Variants in CNBD1 observed in about 807,000 individuals in gnomAD.
CNBD1 encodes cyclic nucleotide binding domain containing 1.
In CNBD1, 71 loss-of-function variants were observed where a neutral mutation model predicts 54.4. The observed-to-expected ratio is 1.30, with a 90% confidence interval of 1.08 to 1.59. The LOEUF (loss-of-function observed/expected upper bound fraction) is 1.59, where lower values mean the gene tolerates loss of function less well. Ranked by LOEUF, CNBD1 falls within the 40% of genes most tolerant of loss-of-function variation. CNBD1 has a pLI of 0.00. For synonymous variants in CNBD1, 182 were observed against 170.7 expected, an observed-to-expected ratio of 1.07 and a Z score of -0.51; for missense variants, 659 against 518.0, an observed-to-expected ratio of 1.27 and a Z score of -2.64.
intron 4 of CNBD1, among the ~76,000 whole-genome samples, chr8:87,096,754 G>T (rs907456779): frequency 6.6e-6 from 1 of 151,708 alleles, no homozygotes; most frequent in Non-Finnish European, 1.5e-5. Context: ...AAAGCTCACA[G>T]AACAGAGATG....
intron 8 of CNBD1, among the ~76,000 whole-genome samples, chr8:87,293,266 C>T (rs1030904385): frequency 2.0e-5 from 3 of 152,168 alleles, no homozygotes; most frequent in Non-Finnish European, 2.9e-5. Flanking sequence ...AAAGTCAGGC[C>T]GGACACAGTG....
intron 4 of CNBD1, among the ~76,000 whole-genome samples, chr8:87,026,910 C>T (rs559150756): frequency 8.5e-5 from 13 of 152,252 alleles, no homozygotes; most frequent in Admixed American, 2.0e-4. Flanking sequence ...AACCTTGACA[C>T]CTCAAAATAT....
rs79396836 is a variant in CNBD1, at chr8:87,087,964, A to G, written c.432-118029A>G. On this transcript the variant is annotated intron_variant, in intron 4 of 10. Coordinates refer to ENST00000518476, the MANE Select transcript of CNBD1 (RefSeq NM_173538.3). ...CTTTGAGACTGCAGCTCTTTCCATT[A>G]CTCCATATTTATTTTGAAACAGAGA... Among the ~76,000 whole-genome samples, 1,229 of 152,136 alleles carry G rather than the reference A, an allele frequency of 8.1e-3. 7 individuals are homozygous for G. The highest frequency in any genetic ancestry group is 0.022 in the South Asian group (105 of 4,826).
At chr8:87,356,070 C>A (rs1401304854) in intron 10 of CNBD1, among the ~76,000 whole-genome samples, 1 of 150,948 alleles carries the variant, frequency 6.6e-6, no homozygotes, top group Non-Finnish European at 1.5e-5. Flanking sequence ...GAGTCCTCAC[C>A]AGAAGCCAAG....
At chr8:87,049,961 T>C (rs1429490027) in intron 4 of CNBD1, among the ~76,000 whole-genome samples, 2 of 152,188 alleles carry the variant, frequency 1.3e-5, no homozygotes, top group Non-Finnish European at 2.9e-5. Flanking sequence ...TGGGCCTGAG[T>C]TAAAACTCCC....
intron 4 of CNBD1, among the ~76,000 whole-genome samples, chr8:86,963,633 C>T (rs1807993997): frequency 6.6e-6 from 1 of 152,072 alleles, no homozygotes; most frequent in African/African-American, 2.4e-5. Flanking sequence ...GGGGACCTGG[C>T]CTACGAAGGT....
At chr8:87,390,377 A>C (rs1168122406) in intron 2 of CNBD1, among the ~76,000 whole-genome samples, 1 of 152,228 alleles carries the variant, frequency 6.6e-6, no homozygotes, top group Non-Finnish European at 1.5e-5. Flanking sequence ...TCCAGAATCT[A>C]CAATGAACTT....
chr8:87,268,647 T>G (rs1329579801), intron 6 of CNBD1, among the ~76,000 whole-genome samples: 2 of 152,084 alleles, frequency 1.3e-5, no homozygotes, highest in Non-Finnish European at 2.9e-5. Flanking sequence ...GAGATGGTAT[T>G]TCATTGTGAT....
chr8:87,054,995 C>T (rs985118628), intron 4 of CNBD1, among the ~76,000 whole-genome samples: 1 of 152,118 alleles, frequency 6.6e-6, no homozygotes, highest in Non-Finnish European at 1.5e-5. Flanking sequence ...AACGAGAAGC[C>T]TCAGAAATAA....
chr8:87,183,731 T>C (rs1813412402), intron 4 of CNBD1, among the ~76,000 whole-genome samples: 3 of 152,202 alleles, frequency 2.0e-5, no homozygotes, highest in East Asian at 1.9e-4. Context: ...TATGATACTC[T>C]TGAGGATTTG....
chr8:87,328,668 T>A (rs10107283), intron 8 of CNBD1, among the ~76,000 whole-genome samples: 1 of 151,870 alleles, frequency 6.6e-6, no homozygotes. Flanking sequence ...AATACAAATT[T>A]CATCAAATCT....
intron 4 of CNBD1, among the ~76,000 whole-genome samples, chr8:87,128,597 G>A (rs28429382): frequency 2.0e-5 from 3 of 152,056 alleles, no homozygotes; most frequent in Non-Finnish European, 4.4e-5. Flanking sequence ...TAATGGATTT[G>A]ACAAATACCT....
intron 4 of CNBD1, among the ~76,000 whole-genome samples, chr8:87,176,692 T>G (rs2943166): frequency 1.6e-4 from 24 of 150,182 alleles, no homozygotes; most frequent in African/African-American, 4.6e-4. Flanking sequence ...GGTTTCTCCA[T>G]GTTGGCCAGG....
intron 8 of CNBD1, among the ~76,000 whole-genome samples, chr8:87,314,641 TTATC>T (rs764455486): frequency 6.6e-6 from 1 of 151,996 alleles, no homozygotes; most frequent in African/African-American, 2.4e-5. Context: ...TCAGATTTGA[TTATC>T]TATGGAAAGT....
rs547048341 is a variant in CNBD1, at chr8:87,372,052, C to G, written c.1304-10568C>G. On this transcript the variant is annotated intron_variant, in intron 10 of 10. Transcript: ENST00000518476. ...AGGAAAAGAGGAAGTCAAATTGTCC[C>G]TGTTTGCAGACGACATGATTGTATA... 8.2e-4 allele frequency among the ~76,000 whole-genome samples: 124 copies of G among 152,108 alleles called. 1 individual carries two copies. The highest frequency in any genetic ancestry group is 2.9e-3 in the African/African-American group (120 of 41,528).
rs141067962 is a variant in CNBD1 at position 87,305,703 on chromosome 8, T to C, written c.1042+19032T>C. On this transcript the variant is annotated intron_variant, in intron 8 of 10. Coordinates refer to ENST00000518476, the MANE Select transcript of CNBD1 (RefSeq NM_173538.3). Reference sequence around the variant, plus strand: ...GTGTTGGGATAATTGGCAAGCCACATGTAGGAGAATTAAACTGGATCCTCA... The same window carrying C: ...GTGTTGGGATAATTGGCAAGCCACACGTAGGAGAATTAAACTGGATCCTCA... Among the ~76,000 whole-genome samples, 1,467 of 152,084 alleles carry C rather than the reference T, an allele frequency of 9.6e-3. 19 individuals carry two copies. The highest frequency in any genetic ancestry group is 0.032 in the African/African-American group (1,344 of 41,478).
intron 4 of CNBD1, among the ~76,000 whole-genome samples, chr8:87,129,069 C>CAAAAAAGA (rs1812060471): frequency 3.8e-5 from 1 of 26,182 alleles, no homozygotes; most frequent in Non-Finnish European, 7.1e-5. Context: ...GACTCTGCCT[C>CAAAAAAGA]AAAAAAAAAA....
chr8:87,188,748 CAA>C (rs1166114088), intron 4 of CNBD1, among the ~76,000 whole-genome samples: 8 of 89,194 alleles, frequency 9.0e-5, no homozygotes, highest in African/African-American at 3.4e-4. Flanking sequence ...GACTCCATCT[CAA>C]AAAAAAAAAA....
chr8:86,886,733 C>T (rs1938538615), intron 1 of CNBD1, among the ~76,000 whole-genome samples: 1 of 152,102 alleles, frequency 6.6e-6, no homozygotes, highest in Non-Finnish European at 1.5e-5. Flanking sequence ...ATACATTAAA[C>T]CACTGATTTT....
Sources: allele counts gnomAD v4.1 joint callset (sites outside exome capture counted in the v4.1 genomes callset), GRCh38; gene constraint gnomAD v4.1.1; transcripts MANE v1.5; gene names NCBI Gene and HGNC (gene_info 2026-07-23, HGNC 2026-07-21).